The following HTR1A variants were observed in gnomAD, a reference collection of about 807,000 sequenced individuals.
The protein encoded by HTR1A is 5-HT1a receptor.
HTR1A carries 17 observed loss-of-function variants against 24.6 expected under a neutral mutation model. The observed-to-expected ratio is 0.69, with a 90% CI of 0.47 to 1.04. The LOEUF (loss-of-function observed/expected upper bound fraction) is 1.04. Ranked by LOEUF, HTR1A falls within the 50% of genes least tolerant of loss-of-function variation. HTR1A has a pLI of 0.00. For synonymous variants in HTR1A, 262 were observed against 244.6 expected, an observed-to-expected ratio of 1.07 and a Z score of -0.67; for missense variants, 515 against 565.1, an observed-to-expected ratio of 0.91 and a Z score of 0.90.
chr5:63,959,451 G>T lies in HTR1A; in HGVS notation c.*1000C>A, dbSNP rs545185327. 2.2e-3 allele frequency among the ~76,000 whole-genome samples: 331 copies of T among 152,382 alleles called. No homozygotes were observed. The highest frequency in any genetic ancestry group is 6.8e-3 in the Middle Eastern group (2 of 294). ...CGCTGCGAGAGCACAGATGGCTGGG[G>T]AGGCGCGCGGATTCCAGGCCTCTCA... On this transcript the variant is annotated 3_prime_UTR_variant, in exon 1 of 1. Transcript: ENST00000323865.
chr5:63,960,761 G>A lies in HTR1A; in HGVS notation c.959C>T (p.Ser320Phe), dbSNP rs1037914652. The change falls in exon 1 of 1, where the codon TCT becomes TTT. Residue 320 changes from serine (S) to phenylalanine (F), a missense_variant. Ser to Phe is a radical substitution (Grantham distance 155). This residue lies in a region of HTR1A where 381 missense variants were observed against 384.5 expected (regional missense o/e 0.99). Transcript: ENST00000323865. ...EAGPTPCAPASFERKNERNAE... is the reference protein window; with the variant it reads ...EAGPTPCAPAFFERKNERNAE... ...GTTGCGCTCATTTTTCCTCTCGAAA[G>A]AGGCGGGGGCACAAGGGGTAGGACC... 23 of 1,614,076 alleles carry A rather than the reference G, an allele frequency of 1.4e-5. No individual in the cohort carries two copies. Among genetic ancestry groups the A allele is most frequent in the Non-Finnish European group, 1.9e-5 (23 of 1,180,016 alleles).
At position 63,960,975 on chromosome 5, in the gene HTR1A, G is replaced by A; in HGVS notation, c.745C>T (p.Gln249Ter). The change falls in exon 1 of 1, where the codon CAG (glutamine) becomes TAG (stop). Residue 249 changes from glutamine (Q) to a stop codon, truncating the protein, a stop_gained. Coordinates refer to ENST00000323865, the MANE Select transcript of HTR1A (RefSeq NM_000524.4). LOFTEE classifies it high-confidence loss of function. ...DTRHGASPAPQPKKSVNGESG... is the reference protein window; with the variant it reads ...DTRHGASPAP ...TCTCCATTCACACTCTTCTTGGGCT[G>A]CGGGGCGGGAGATGCTCCATGGCGG... 6.2e-7 allele frequency: 1 copy of A among 1,614,196 alleles called. No homozygotes were observed. Among genetic ancestry groups the A allele is most frequent in the Non-Finnish European group, 8.5e-7 (1 of 1,180,044 alleles).
In HTR1A at chr5:63,960,625, A is replaced by G; in HGVS notation, c.1095T>C (p.Ala365=). The G allele has an allele frequency of 6.2e-7, 1 of 1,614,264 alleles. No individual in the cohort carries two copies. The highest frequency in any genetic ancestry group is 8.5e-7 in the Non-Finnish European group (1 of 1,180,050). ...ILCWLPFFIV[A]LVLPFCESSC... ...TGCTCTCGCAGAAGGGCAGAACAAG[A>G]GCCACGATGAAGAAGGGCAGCCAGC... The change falls in exon 1 of 1, where the codon GCT becomes GCC. Residue 365 remains alanine (A), a synonymous_variant. Coordinates refer to ENST00000323865, the MANE Select transcript of HTR1A (RefSeq NM_000524.4).
rs555710952 is a variant in HTR1A, at chr5:63,961,053, G to A, written c.667C>T (p.Arg223Cys). The change falls in exon 1 of 1, where the codon CGC (arginine) becomes TGC (cysteine). Residue 223 changes from arginine (R) to cysteine (C), a missense_variant. This residue lies in a region of HTR1A where 381 missense variants were observed against 384.5 expected (regional missense o/e 0.99). Transcript: ENST00000323865. ...TTGACCGTCTTGCGGATGCGGAAGC[G>A]CGCAGCTCGGAATATGCGCCCATAG... is the stretch of plus-strand genomic sequence containing the variant. The part of the protein sequence containing the change: ...VLYGRIFRAA[R>C]FRIRKTVKKV... The A allele has an allele frequency of 1.3e-5, 21 of 1,614,220 alleles. No individual in the cohort carries two copies. The highest frequency in any genetic ancestry group is 1.0e-4 in the Admixed American group (6 of 60,036).
Position 63,961,362 on chromosome 5 carries a change from A to C in HTR1A, c.358T>G (p.Cys120Gly). Reference sequence around the variant, plus strand: ...CACAGGTGCAAGATGGATGAGGTGCAGCACAGCACGTCGAGGGCGATGAAC... The same window carrying C: ...CACAGGTGCAAGATGGATGAGGTGCCGCACAGCACGTCGAGGGCGATGAAC... ...DLFIALDVLC[C>G]TSSILHLCAI... The change falls in exon 1 of 1, where the codon TGC (cysteine) becomes GGC (glycine). Residue 120 changes from cysteine to glycine, a missense_variant. Around this residue, in one of 3 missense-constraint regions of HTR1A, gnomAD observed 80 missense variants for 130.8 expected, o/e 0.61. Transcript: ENST00000323865. The C allele has an allele frequency of 6.2e-7, 1 of 1,614,056 alleles. No homozygotes were observed. Among genetic ancestry groups the C allele is most frequent in the South Asian group, 1.1e-5 (1 of 91,086 alleles).
rs1399736027 is a variant in HTR1A, at chr5:63,961,226, A to C, written c.494T>G (p.Phe165Cys). The part of the protein sequence containing the change: ...ALISLTWLIG[F>C]LISIPPMLGW... ...CAGCATGGGCGGGATAGAGATGAGG[A>C]AGCCAATAAGCCAAGTGAGCGAGAT... Residue 165 changes from phenylalanine to cysteine, a missense_variant, in exon 1 of 1, where the codon TTC becomes TGC. Physicochemically the swap from Phe to Cys is radical, Grantham distance 205 (BLOSUM62 -2). Coordinates refer to ENST00000323865, the MANE Select transcript of HTR1A (RefSeq NM_000524.4). 29 of 1,614,018 alleles carry C rather than the reference A, an allele frequency of 1.8e-5. No homozygotes were observed. The highest frequency in any genetic ancestry group is 2.4e-5 in the Non-Finnish European group (28 of 1,180,052).
In HTR1A at chr5:63,961,690, G is replaced by T. The variant is rs1473053420; in HGVS notation, c.30C>A (p.Asn10Lys). 6.2e-7 allele frequency: 1 copy of T among 1,613,816 alleles called. No individual in the cohort carries two copies. ...AGGGAGCCGGTGGTGATGTGGTGTTGTTGCCCTGACCAGGGCTGAGCACAT... is the reference window on the plus strand; with the variant it reads ...AGGGAGCCGGTGGTGATGTGGTGTTTTTGCCCTGACCAGGGCTGAGCACAT... MDVLSPGQG[N>K]NTTSPPAPFE... The change falls in exon 1 of 1, where the codon AAC (asparagine) becomes AAA (lysine). Residue 10 changes from asparagine (N) to lysine (K), a missense_variant. Physicochemically the swap from Asn to Lys is moderately conservative, Grantham distance 94. This residue lies in a region of HTR1A where 54 missense variants were observed against 49.8 expected (regional missense o/e 1.08). Coordinates refer to ENST00000323865, the MANE Select transcript of HTR1A (RefSeq NM_000524.4).
rs764122815 is a variant in HTR1A, at chr5:63,960,630, C to A, written c.1090G>T (p.Val364Leu). 6.2e-7 allele frequency: 1 copy of A among 1,614,228 alleles called. No homozygotes were observed. The highest frequency in any genetic ancestry group is 8.5e-7 in the Non-Finnish European group (1 of 1,180,044). ...TCGCAGAAGGGCAGAACAAGAGCCA[C>A]GATGAAGAAGGGCAGCCAGCAGAGG... is the stretch of plus-strand genomic sequence containing the variant. Reference protein sequence around the residue: ...FILCWLPFFIVALVLPFCESS... With the variant: ...FILCWLPFFILALVLPFCESS... The change falls in exon 1 of 1, where the codon GTG (valine) becomes TTG (leucine). Residue 364 changes from valine to leucine, a missense_variant. By Grantham distance (32) the Val-to-Leu change is conservative (BLOSUM62 1). Coordinates refer to ENST00000323865, the MANE Select transcript of HTR1A (RefSeq NM_000524.4).
Position 63,960,426 on chromosome 5 carries a change from C to G in HTR1A, c.*25G>C, listed in dbSNP as rs748918123. 2 of 1,611,824 alleles carry G rather than the reference C, an allele frequency of 1.2e-6. No homozygotes were observed. The highest frequency in any genetic ancestry group is 1.7e-6 in the Non-Finnish European group (2 of 1,178,026). ...GTGAATGGGACGGATCCTGTAGCCT[C>G]GACTGGCCGGCTACTCCTCCGTCAT... On this transcript the variant is annotated 3_prime_UTR_variant, in exon 1 of 1. Transcript: ENST00000323865.
Position 63,960,986 on chromosome 5 carries a change from G to A in HTR1A, c.734C>T (p.Ser245Phe), listed in dbSNP as rs771070406. The stretch of plus-strand genomic sequence containing the variant: ...ACTCTTCTTGGGCTGCGGGGCGGGA[G>A]ATGCTCCATGGCGGGTGTCCGCTCC... ...KTGADTRHGA[S>F]PAPQPKKSVN... is the part of the protein sequence containing the mutation. The change falls in exon 1 of 1, where the codon TCT (serine) becomes TTT (phenylalanine). Residue 245 changes from serine to phenylalanine, a missense_variant. Around this residue, in one of 3 missense-constraint regions of HTR1A, gnomAD observed 381 missense variants for 384.5 expected, o/e 0.99. Transcript: ENST00000323865. The A allele has an allele frequency of 5.0e-6, 8 of 1,614,190 alleles. No individual in the cohort carries two copies. The highest frequency in any genetic ancestry group is 1.7e-6 in the Non-Finnish European group (2 of 1,180,044).
rs1746418126 is a variant in HTR1A, at chr5:63,960,916, C to G, written c.804G>C (p.Glu268Asp). Residue 268 changes from glutamate (E) to aspartate (D), a missense_variant, in exon 1 of 1, where the codon GAG becomes GAC. By Grantham distance (45) the Glu-to-Asp change is conservative. Around this residue, in one of 3 missense-constraint regions of HTR1A, gnomAD observed 381 missense variants for 384.5 expected, o/e 0.99. Coordinates refer to ENST00000323865, the MANE Select transcript of HTR1A (RefSeq NM_000524.4). ...CGCACAGAGCACCCCCAGCCTTGCT[C>G]TCCACGCCCAGCCTCCAGTTCCTGC... is the stretch of plus-strand genomic sequence containing the variant. The part of the protein sequence containing the change: ...SGSRNWRLGV[E>D]SKAGGALCAN... The G allele has an allele frequency of 6.2e-7, 1 of 1,613,924 alleles. No individual in the cohort carries two copies. Among genetic ancestry groups the G allele is most frequent in the South Asian group, 1.1e-5 (1 of 91,084 alleles).
chr5:63,961,061 C>T lies in HTR1A; in HGVS notation c.659G>A (p.Arg220Gln). 1 of 1,614,228 alleles carries T rather than the reference C, an allele frequency of 6.2e-7. No homozygotes were observed. Among genetic ancestry groups the T allele is most frequent in the Non-Finnish European group, 8.5e-7 (1 of 1,180,050 alleles). The change falls in exon 1 of 1, where the codon CGA (arginine) becomes CAA (glutamine). Residue 220 changes from arginine to glutamine, a missense_variant. Physicochemically the swap from Arg to Gln is conservative, Grantham distance 43. This residue lies in a region of HTR1A where 381 missense variants were observed against 384.5 expected (regional missense o/e 0.99). Transcript: ENST00000323865. ...CTTGCGGATGCGGAAGCGCGCAGCTCGGAATATGCGCCCATAGAGAACCAG... is the reference window on the plus strand; with the variant it reads ...CTTGCGGATGCGGAAGCGCGCAGCTTGGAATATGCGCCCATAGAGAACCAG... ...LMLVLYGRIF[R>Q]AARFRIRKTV...
chr5:63,959,110 C>T lies in HTR1A; in HGVS notation c.*1341G>A, dbSNP rs535105824. ...TGGGACACGCTAAACAGAATTATTC[C>T]CCGATCCAAAAAGGACAAGAGCGTG... On this transcript the variant is annotated 3_prime_UTR_variant, in exon 1 of 1. Transcript: ENST00000323865. 6.6e-6 allele frequency among the ~76,000 whole-genome samples: 1 copy of T among 152,154 alleles called. No homozygotes were observed. Among genetic ancestry groups the T allele is most frequent in the Non-Finnish European group, 1.5e-5 (1 of 68,028 alleles).
rs1323926463 is a variant in HTR1A at position 63,960,217 on chromosome 5, C to T, written c.*234G>A. 3.4e-6 allele frequency: 2 copies of T among 593,572 alleles called. No homozygotes were observed. The highest frequency in any genetic ancestry group is 1.9e-5 in the African/African-American group (1 of 53,798). The allele number at this position is 593,572 out of a possible 1,614,324, so 36.8% of individuals were successfully genotyped here. A position where few individuals can be genotyped will look rare whatever the true frequency, so the allele number is the denominator to read the frequency against. On this transcript the variant is annotated 3_prime_UTR_variant, in exon 1 of 1. Transcript: ENST00000323865. ...AAGTCTGAGCCAATGTCGCTTCTCACAAACTCTCTGAATTTCCTGGGCTCT... is the reference window on the plus strand; with the variant it reads ...AAGTCTGAGCCAATGTCGCTTCTCATAAACTCTCTGAATTTCCTGGGCTCT...
Position 63,960,791 on chromosome 5 carries a change from T to C in HTR1A, c.929A>G (p.Glu310Gly). Residue 310 changes from glutamate (E) to glycine (G), a missense_variant, in exon 1 of 1, where the codon GAG (glutamate) becomes GGG (glycine). Glu to Gly is a moderately conservative substitution (Grantham distance 98, BLOSUM62 -2). Transcript: ENST00000323865. ...GGGGGCACAAGGGGTAGGACCAGCC[T>C]CGCTGGGCAGAGGCAAGTGCTCTTT... is the stretch of plus-strand genomic sequence containing the variant. ...NSKEHLPLPS[E>G]AGPTPCAPAS... The C allele has an allele frequency of 6.2e-7, 1 of 1,614,118 alleles. No homozygotes were observed. The highest frequency in any genetic ancestry group is 8.5e-7 in the Non-Finnish European group (1 of 1,179,970).
rs1746451724 is a variant in HTR1A at position 63,962,030 on chromosome 5, T to G, written c.-311A>C. ...GGAACGTCTGTCTGTCGCTGTCCAT[T>G]TTACTTTGCCGCTCCCGAACTGGCT... On this transcript the variant is annotated 5_prime_UTR_variant, in exon 1 of 1. Transcript: ENST00000323865. The G allele has an allele frequency of 4.2e-6, 2 of 470,814 alleles. No individual in the cohort carries two copies. The highest frequency in any genetic ancestry group is 3.4e-5 in the Admixed American group (1 of 29,582). The allele number at this position is 470,814 out of a possible 1,614,324, so 29.2% of individuals were successfully genotyped here.
At position 63,961,724 on chromosome 5, in the gene HTR1A, G is replaced by A. The variant is rs1746445477; in HGVS notation, c.-5C>T. 2 of 1,613,740 alleles carry A rather than the reference G, an allele frequency of 1.2e-6. No individual in the cohort carries two copies. Among genetic ancestry groups the A allele is most frequent in the African/African-American group, 1.3e-5 (1 of 75,086 alleles). ...ACCAGGGCTGAGCACATCCATGCCT[G>A]CGCGCCCGGCGCGGGAAGGGGGAGG... On this transcript the variant is annotated 5_prime_UTR_variant, in exon 1 of 1. Coordinates refer to ENST00000323865, the MANE Select transcript of HTR1A (RefSeq NM_000524.4).
rs200892898 is a variant in HTR1A, at chr5:63,961,194, G to A, written c.526C>T (p.Arg176Cys). ...GGGTCCGAGCGGTCTTCCGGGGTGCGCCAGCCCAGCATGGGCGGGATAGAG... is the reference window on the plus strand; with the variant it reads ...GGGTCCGAGCGGTCTTCCGGGGTGCACCAGCCCAGCATGGGCGGGATAGAG... The part of the protein sequence containing the change: ...LISIPPMLGW[R>C]TPEDRSDPDA... The change falls in exon 1 of 1, where the codon CGC (arginine) becomes TGC (cysteine). Residue 176 changes from arginine to cysteine, a missense_variant. Coordinates refer to ENST00000323865, the MANE Select transcript of HTR1A (RefSeq NM_000524.4). The A allele has an allele frequency of 1.4e-5, 22 of 1,613,974 alleles. No individual in the cohort carries two copies. Among genetic ancestry groups the A allele is most frequent in the Non-Finnish European group, 1.9e-5 (22 of 1,180,036 alleles).
Position 63,960,478 on chromosome 5 carries a change from G to GTT in HTR1A, c.1241_1242insAA (p.Ile415ThrfsTer33), listed in dbSNP as rs1412036473. On this transcript the variant is annotated frameshift_variant, in exon 1 of 1. Coordinates refer to ENST00000323865, the MANE Select transcript of HTR1A (RefSeq NM_000524.4). LOFTEE classifies it high-confidence loss of function. ...ACTGGCGGCAGAACTTACACTTAAT[G>GTT]ATCTTCTTAAACGCGTTTTGAAAGT... 1 of 1,614,202 alleles carries GTT rather than the reference G, an allele frequency of 6.2e-7. No individual in the cohort carries two copies. Among genetic ancestry groups the GTT allele is most frequent in the Non-Finnish European group, 8.5e-7 (1 of 1,180,032 alleles).
Sources: allele counts gnomAD v4.1 joint callset (sites outside exome capture counted in the v4.1 genomes callset), GRCh38; gene constraint gnomAD v4.1.1; regional missense constraint gnomAD v4.1.1; transcripts MANE v1.5; gene names NCBI Gene and HGNC (gene_info 2026-07-23, HGNC 2026-07-21).